RNF150: variants seen among roughly 807,000 people sequenced by gnomAD.
RNF150 encodes the protein ring finger protein 150.
A neutral mutation model predicts 39.3 loss-of-function variants in RNF150; 24 were observed. The ratio of observed to expected loss-of-function variants is 0.61; its 90% CI spans 0.44 to 0.86. The LOEUF (loss-of-function observed/expected upper bound fraction) is 0.86. RNF150 is among the 40% of genes least tolerant of loss of function. The pLI is 0.00. For synonymous variants in RNF150, 255 were observed against 227.3 expected (o/e 1.12, Z -1.10); for missense variants, 502 against 587.8 (o/e 0.85, Z 1.51).
At chr4:140,994,143 G>C (rs928255262) in intron 1 of RNF150, among the ~76,000 whole-genome samples, 1 of 152,160 alleles carries the variant, frequency 6.6e-6, no homozygotes, top group African/African-American at 2.4e-5. Flanking sequence ...ACTGCTCGTG[G>C]AAGGAATAAA....
At position 140,867,216 on chromosome 4, in the gene RNF150, A is replaced by G. The variant is rs149439888; in HGVS notation, c.*1045T>C. On this transcript the variant is annotated 3_prime_UTR_variant, in exon 7 of 7. Coordinates refer to ENST00000515673, the MANE Select transcript of RNF150 (RefSeq NM_020724.2). Reference sequence around the variant, plus strand: ...TAAGGTAAAAGCTAGGTGCTACTGCAGCCCCCACTATGTTTGCCATTGGAC... The same window carrying G: ...TAAGGTAAAAGCTAGGTGCTACTGCGGCCCCCACTATGTTTGCCATTGGAC... 6 of 152,352 alleles carry G rather than the reference A, an allele frequency of 3.9e-5. No homozygotes were observed. The highest frequency in any genetic ancestry group is 7.3e-5 in the Non-Finnish European group (5 of 68,038). 9.4% of individuals were successfully genotyped at this position (152,352 alleles called of 1,614,324 possible). A position where few individuals can be genotyped will look rare whatever the true frequency, so the allele number is the denominator to read the frequency against.
intron 1 of RNF150, among the ~76,000 whole-genome samples, chr4:140,979,701 G>A (rs1177321239): frequency 4.6e-5 from 7 of 152,026 alleles, no homozygotes; most frequent in African/African-American, 1.7e-4. Context: ...ACAACTGAGA[G>A]CACCTGGATA....
intron 4 of RNF150, among the ~76,000 whole-genome samples, chr4:140,937,369 T>A (rs923829721): frequency 4.3e-4 from 65 of 152,182 alleles, no homozygotes; most frequent in African/African-American, 1.5e-3. Context: ...CAAGTGATCA[T>A]CTTGCCTCAA....
chr4:140,917,949 C>T (rs1351807548), intron 5 of RNF150, among the ~76,000 whole-genome samples: 1 of 151,754 alleles, frequency 6.6e-6, no homozygotes, highest in Non-Finnish European at 1.5e-5. Flanking sequence ...CTACTGGGTA[C>T]ATAACGAAAT....
At chr4:140,918,312 AAAAG>A (rs1304549087) in intron 5 of RNF150, among the ~76,000 whole-genome samples, 1 of 152,206 alleles carries the variant, frequency 6.6e-6, no homozygotes, top group African/African-American at 2.4e-5. Context: ...AATAAAGAAA[AAAAG>A]AGAGAAGAAT....
At position 140,938,580 on chromosome 4, in the gene RNF150, C is replaced by T. The variant is rs79517555; in HGVS notation, c.890+9074G>A. Reference sequence around the variant, plus strand: ...GAACAAACAACCTTCCAAGGCCTGGCAGACTCAAGATGCTGTTAATAAGAC... The same window carrying T: ...GAACAAACAACCTTCCAAGGCCTGGTAGACTCAAGATGCTGTTAATAAGAC... On this transcript the variant is annotated intron_variant, in intron 4 of 6. Transcript: ENST00000515673. 5.0e-3 allele frequency among the ~76,000 whole-genome samples: 759 copies of T among 152,286 alleles called. 6 individuals are homozygous for T. The highest frequency in any genetic ancestry group is 0.017 in the African/African-American group (712 of 41,564).
chr4:140,962,495 CATAT>C (rs145375840), intron 2 of RNF150, among the ~76,000 whole-genome samples: 1 of 150,574 alleles, frequency 6.6e-6, no homozygotes, highest in Non-Finnish European at 1.5e-5. Context: ...CACACACACA[CATAT>C]ATATATATAA....
At chr4:141,177,694 C>T (rs7662101) in intron 1 of RNF150, among the ~76,000 whole-genome samples, 127 of 152,116 alleles carry the variant, frequency 8.3e-4, no homozygotes, top group African/African-American at 3.0e-3. Context: ...CTCTTTTCTC[C>T]GACATTATAG....
chr4:140,943,389 A>G (rs1285274539), intron 4 of RNF150, among the ~76,000 whole-genome samples: 1 of 152,224 alleles, frequency 6.6e-6, no homozygotes, highest in Non-Finnish European at 1.5e-5. Context: ...TATAACAATG[A>G]TAGCAGTAGT....
chr4:141,209,579 C>A (rs1019466093), intron 1 of RNF150, among the ~76,000 whole-genome samples: 1 of 152,120 alleles, frequency 6.6e-6, no homozygotes, highest in Non-Finnish European at 1.5e-5. Context: ...TATTTATTCA[C>A]AATTTGTGTT....
chr4:141,135,083 G>A (rs930655744), upstream of RNF150, among the ~76,000 whole-genome samples: 2 of 152,188 alleles, frequency 1.3e-5, no homozygotes, highest in African/African-American at 4.8e-5. Flanking sequence ...GGGCTAATAA[G>A]TAAAACACTG....
intron 1 of RNF150, among the ~76,000 whole-genome samples, chr4:141,085,968 A>C (rs1199410179): frequency 1.3e-5 from 2 of 151,920 alleles, no homozygotes; most frequent in Non-Finnish European, 2.9e-5. Flanking sequence ...TAATAGGAAG[A>C]GTTTGAAGAG....
At chr4:141,149,355 A>C (rs1453243537) in intron 1 of RNF150, among the ~76,000 whole-genome samples, 1 of 148,636 alleles carries the variant, frequency 6.7e-6, no homozygotes, top group Non-Finnish European at 1.5e-5. Context: ...TGTACCCTAT[A>C]CCCAATGTGT....
chr4:141,084,502 T>C (rs1294258612), intron 1 of RNF150, among the ~76,000 whole-genome samples: 1 of 152,182 alleles, frequency 6.6e-6, no homozygotes, highest in Non-Finnish European at 1.5e-5. Context: ...ATGTCAACCA[T>C]GGAAACAAAA....
intron 1 of RNF150, among the ~76,000 whole-genome samples, chr4:141,164,506 C>A (rs965668134): frequency 1.3e-5 from 2 of 152,036 alleles, no homozygotes; most frequent in African/African-American, 4.8e-5. Context: ...TAATCAACCA[C>A]TTCACCAAGG....
intron 1 of RNF150, among the ~76,000 whole-genome samples, chr4:141,157,606 AT>A (rs750482650): frequency 6.6e-6 from 1 of 152,116 alleles, no homozygotes; most frequent in African/African-American, 2.4e-5. Context: ...AAGGCACTCT[AT>A]TTCTCCTTTT....
chr4:141,131,547 C>T (rs886273677), intron 1 of RNF150, among the ~76,000 whole-genome samples: 1 of 152,216 alleles, frequency 6.6e-6, no homozygotes, highest in Non-Finnish European at 1.5e-5. Context: ...GACAGTAATG[C>T]ATTTCTAGTC....
At chr4:141,083,351 T>C (rs986956306) in intron 1 of RNF150, among the ~76,000 whole-genome samples, 3 of 152,222 alleles carry the variant, frequency 2.0e-5, no homozygotes, top group African/African-American at 4.8e-5. Context: ...TGAATGACTC[T>C]CACTGGAAAT....
intron 1 of RNF150, among the ~76,000 whole-genome samples, chr4:141,048,317 T>C (rs1006468597): frequency 2.0e-5 from 3 of 152,106 alleles, no homozygotes; most frequent in Non-Finnish European, 2.9e-5. Context: ...AAATGAGACG[T>C]CTCCCTTTGG....
Sources: gnomAD v4.1 joint callset for allele counts (sites outside exome capture counted in the v4.1 genomes callset) on GRCh38, gnomAD v4.1.1 for gene constraint, MANE v1.5 for transcripts, NCBI Gene and HGNC (gene_info 2026-07-23, HGNC 2026-07-21) for gene names.